The following MAP4 variants were observed in gnomAD, a reference collection of about 807,000 sequenced individuals.
MAP4 encodes microtubule-associated protein 4.
Under a neutral mutation model 170.2 loss-of-function variants are expected in MAP4, and 76 were observed. That is an observed-to-expected ratio of 0.45 (90% CI 0.37 to 0.54). The LOEUF is 0.54. Ranked by LOEUF, MAP4 falls within the 20% of genes least tolerant of loss-of-function variation. The pLI, the probability that MAP4 is intolerant of heterozygous loss-of-function variation, is 0.00. For missense variants in MAP4, 2,506 were observed against 2,748.0 expected (o/e 0.91, Z 1.97); for synonymous variants, 909 against 994.5 (o/e 0.91, Z 1.62).
intron 19 of MAP4, 42 bp from the exon 20 acceptor site, chr3:47,853,394 G>A (rs7645778): frequency 1.2e-6 from 1 of 853,914 alleles, no homozygotes; most frequent in Non-Finnish European, 1.7e-6. Flanking sequence ...GGTCAGTCGA[G>A]GGGGGGAGTG....
In MAP4 at chr3:47,916,622, T is replaced by G; in HGVS notation, c.1205A>C (p.Asn402Thr). 2.5e-6 allele frequency: 4 copies of G among 1,614,144 alleles called. No homozygotes were observed. Among genetic ancestry groups the G allele is most frequent in the Non-Finnish European group, 3.4e-6 (4 of 1,180,024 alleles). ...CAAATCCTTGGCTGGGACTATCTTG[T>G]TTTCTTTGGGTGGTCCCATGTCCTT... Reference protein sequence around the residue: ...PSKDMGPPKENKIVPAKDLVL... With the variant: ...PSKDMGPPKETKIVPAKDLVL... Residue 402 changes from asparagine (N) to threonine (T), a missense_variant, in exon 7 of 21, where the codon AAC becomes ACC. Physicochemically the swap from Asn to Thr is moderately conservative, Grantham distance 65 (BLOSUM62 0). Coordinates refer to ENST00000683076, the MANE Select transcript of MAP4 (RefSeq NM_001385682.1).
rs2100132006 is a variant in MAP4 at position 48,056,711 on chromosome 3, A to AG, written c.-20+32061dup. On this transcript the variant is annotated intron_variant, in intron 1 of 18. Transcript: ENST00000360240. ...GGCCAGCCGCCCCGTCTGGGAGGTG[A>AG]GGGGCGCCTCTGCCCGGCCGCCCCT... is the stretch of plus-strand genomic sequence containing the variant. Among the ~76,000 whole-genome samples, 6 of 77,218 alleles carry AG rather than the reference A, an allele frequency of 7.8e-5. No individual in the cohort carries two copies. The South Asian group carries it at 3.4e-3, about 44-fold the overall frequency. The allele number at this position is 77,218 out of a possible 152,430, so 50.7% of individuals were successfully genotyped here.
chr3:47,875,659 G>T, intron 12 of MAP4, 26 bp downstream of exon 12: 1 of 1,592,198 alleles, frequency 6.3e-7, no homozygotes, highest in Non-Finnish European at 8.6e-7. Flanking sequence ...AATTTTCCTC[G>T]GCACAGTAGT....
intron 3 of MAP4, among the ~76,000 whole-genome samples, chr3:47,976,005 G>C (rs970266356): frequency 6.6e-6 from 1 of 152,128 alleles, no homozygotes; most frequent in Admixed American, 6.6e-5. Context: ...GGCTAGGCTG[G>C]TCTCAAACTC....
chr3:47,928,139 T>TA (rs1227470454), intron 4 of MAP4, 89 bp downstream of exon 4: 128 of 1,516,436 alleles, frequency 8.4e-5, no homozygotes, highest in Non-Finnish European at 1.1e-4. Flanking sequence ...ATACTTAAGC[T>TA]AAAGCATTTT....
chr3:47,852,834 C>A lies in MAP4; in HGVS notation c.*100G>T. 6.4e-7 allele frequency: 1 copy of A among 1,553,368 alleles called. No homozygotes were observed. The highest frequency in any genetic ancestry group is 8.7e-7 in the Non-Finnish European group (1 of 1,148,360). On this transcript the variant is annotated 3_prime_UTR_variant, in exon 21 of 21. Transcript: ENST00000683076. ...AAAGGGGGCCAAGGACCCGGGAGCC[C>A]GAGTTGGGGCCGCCAGGGAAGTGTG...
intron 1 of MAP4, among the ~76,000 whole-genome samples, chr3:48,052,219 GT>G (rs1015141882): frequency 6.6e-6 from 1 of 151,932 alleles, no homozygotes; most frequent in Non-Finnish European, 1.5e-5. Flanking sequence ...AACAGGGTGG[GT>G]TTTTTTGTTT....
At chr3:47,970,084 C>CA (rs2100077654) in intron 3 of MAP4, among the ~76,000 whole-genome samples, 1 of 152,214 alleles carries the variant, frequency 6.6e-6, no homozygotes, top group African/African-American at 2.4e-5. Context: ...CCCAGTATCC[C>CA]ACTCTTGTGC....
In MAP4 at chr3:48,062,652, G is replaced by C. The variant is rs187503231; in HGVS notation, c.-20+26121C>G. Among the ~76,000 whole-genome samples the C allele has an allele frequency of 1.9e-4, 29 of 151,588 alleles. 1 individual carries two copies. The highest frequency in any genetic ancestry group is 6.3e-4 in the African/African-American group (26 of 41,500). On this transcript the variant is annotated intron_variant, in intron 1 of 18. Transcript: ENST00000360240. Reference sequence around the variant, plus strand: ...AAAATGAACAATGTGGCTGGGCGTGGTGGTTCACGCCTGTAATCCCAGCAC... The same window carrying C: ...AAAATGAACAATGTGGCTGGGCGTGCTGGTTCACGCCTGTAATCCCAGCAC...
rs1386903181 is a variant in MAP4, at chr3:47,883,798, T to C, written c.5435-6275A>G. On this transcript the variant is annotated intron_variant, in intron 10 of 20. Transcript: ENST00000683076. ...AATGTTGTGCCACTTCTTTTTGCATTCCCCAGTTTCTGATAAGAAACAGGC... is the reference window on the plus strand; with the variant it reads ...AATGTTGTGCCACTTCTTTTTGCATCCCCCAGTTTCTGATAAGAAACAGGC... Among the ~76,000 whole-genome samples, 5 of 152,216 alleles carry C rather than the reference T, an allele frequency of 3.3e-5. No homozygotes were observed. In the South Asian group the frequency reaches 1.0e-3, roughly 32 times the overall value.
chr3:48,052,245 A>G (rs1460426322), intron 1 of MAP4, among the ~76,000 whole-genome samples: 3 of 152,160 alleles, frequency 2.0e-5, no homozygotes, highest in Admixed American at 6.6e-5. Flanking sequence ...TTTTTGAGAC[A>G]GAGTCTCGCT....
intron 1 of MAP4, among the ~76,000 whole-genome samples, chr3:48,008,525 T>C (rs1456465752): frequency 3.3e-5 from 5 of 152,226 alleles, no homozygotes; most frequent in South Asian, 2.1e-4. Flanking sequence ...TCATGGGCTG[T>C]AGCCAATGGT....
At chr3:47,879,741 G>C (rs2096329548) in intron 10 of MAP4, among the ~76,000 whole-genome samples, 2 of 152,004 alleles carry the variant, frequency 1.3e-5, no homozygotes, top group South Asian at 2.1e-4. Flanking sequence ...GGAGTGGCTG[G>C]TTACAATCAA....
At chr3:47,999,560 T>C (rs1018574548) in intron 1 of MAP4, among the ~76,000 whole-genome samples, 2 of 152,050 alleles carry the variant, frequency 1.3e-5, no homozygotes, top group African/African-American at 2.4e-5. Flanking sequence ...GGAACATAGA[T>C]GGGAAGCAGG....
intron 1 of MAP4, among the ~76,000 whole-genome samples, chr3:48,013,257 C>T (rs1240478071): frequency 6.6e-6 from 1 of 151,752 alleles, no homozygotes; most frequent in African/African-American, 2.4e-5. Context: ...TCTGGATGTT[C>T]AGGAGGATCA....
At chr3:47,893,976 C>A (rs553789110) in intron 10 of MAP4, among the ~76,000 whole-genome samples, 1 of 152,086 alleles carries the variant, frequency 6.6e-6, no homozygotes, top group East Asian at 1.9e-4. Flanking sequence ...AAGTTCCCAA[C>A]AAGAGTACAG....
chr3:47,935,570 T>A (rs1275522787), intron 3 of MAP4, among the ~76,000 whole-genome samples: 1 of 151,988 alleles, frequency 6.6e-6, no homozygotes. Context: ...AGTAGACTTG[T>A]GATTCAAGCA....
At chr3:48,067,368 C>T (rs777239931) in intron 1 of MAP4, among the ~76,000 whole-genome samples, 3 of 151,926 alleles carry the variant, frequency 2.0e-5, no homozygotes, top group African/African-American at 4.8e-5. Context: ...GGCGTGATTG[C>T]GCCAAGCTGG....
At chr3:47,950,656 T>TCATGC (rs1179008759) in intron 3 of MAP4, among the ~76,000 whole-genome samples, 5 of 152,116 alleles carry the variant, frequency 3.3e-5, no homozygotes, top group Non-Finnish European at 7.4e-5. Context: ...TGCTGATGAA[T>TCATGC]TTAAGGTCTG....
Sources: gnomAD v4.1 joint callset for allele counts (sites outside exome capture counted in the v4.1 genomes callset) on GRCh38, gnomAD v4.1.1 for gene constraint, MANE v1.5 for transcripts, NCBI Gene and HGNC (gene_info 2026-07-23, HGNC 2026-07-21) for gene names.